RGS6: variants seen among roughly 807,000 people sequenced by gnomAD.
RGS6 encodes the protein regulator of G-protein signaling 6.
A neutral mutation model predicts 78.5 loss-of-function variants in RGS6; 30 were observed. The ratio of observed to expected loss-of-function variants is 0.38; its 90% CI spans 0.29 to 0.52. The LOEUF (loss-of-function observed/expected upper bound fraction) is 0.52. Ranked by LOEUF, RGS6 falls within the 20% of genes least tolerant of loss-of-function variation. RGS6 has a pLI of 0.85. For missense variants in RGS6, 495 were observed against 609.7 expected, an observed-to-expected ratio of 0.81 and a Z score of 1.98; for synonymous variants, 206 against 206.0, an observed-to-expected ratio of 1.00 and a Z score of 0.00.
intron 2 of RGS6, among the ~76,000 whole-genome samples, chr14:72,145,308 C>T (rs1194909081): frequency 7.2e-5 from 11 of 152,040 alleles, no homozygotes; most frequent in South Asian, 2.1e-4. Context: ...AGGGGGTCTA[C>T]GTGGGAAAGG....
chr14:72,416,552 A>T (rs188992596), intron 3 of RGS6, among the ~76,000 whole-genome samples: 1 of 152,316 alleles, frequency 6.6e-6, no homozygotes, highest in African/African-American at 2.4e-5. Context: ...AGAAAAAAAA[A>T]ATTAAGCTGA....
At chr14:72,228,663 C>G (rs1431267059) in intron 2 of RGS6, among the ~76,000 whole-genome samples, 4 of 152,224 alleles carry the variant, frequency 2.6e-5, no homozygotes, top group Non-Finnish European at 4.4e-5. Flanking sequence ...GGACTAAGTT[C>G]AGAGACATGC....
At chr14:72,277,941 A>G (rs546626588) in intron 2 of RGS6, among the ~76,000 whole-genome samples, 96 of 152,234 alleles carry the variant, frequency 6.3e-4, no homozygotes, top group African/African-American at 2.2e-3. Flanking sequence ...AATAAAATAA[A>G]ATAAAATAAA....
At chr14:72,510,332 A>T (rs564162165) in intron 14 of RGS6, 53 bp downstream of exon 14, 1 of 1,607,242 alleles carries the variant, frequency 6.2e-7, no homozygotes, top group Non-Finnish European at 8.5e-7. Flanking sequence ...AGAAATTTGC[A>T]TAATCGGTCT....
intron 2 of RGS6, among the ~76,000 whole-genome samples, chr14:71,998,403 G>C (rs1166987859): frequency 6.6e-6 from 1 of 152,080 alleles, no homozygotes; most frequent in African/African-American, 2.4e-5. Context: ...AAAATCTCTG[G>C]AAGGGCAGCC....
At chr14:72,177,614 A>T (rs576927097) in intron 2 of RGS6, among the ~76,000 whole-genome samples, 8 of 152,304 alleles carry the variant, frequency 5.3e-5, no homozygotes, top group Non-Finnish European at 7.4e-5. Flanking sequence ...TCTGCTTTCT[A>T]GTTTTGTCCT....
intron 3 of RGS6, among the ~76,000 whole-genome samples, chr14:72,413,903 C>T (rs947757129): frequency 6.6e-6 from 1 of 152,234 alleles, no homozygotes; most frequent in African/African-American, 2.4e-5. Context: ...GGTCCCCACT[C>T]TCTTCTGGCT....
chr14:72,295,778 G>T (rs2064689392), intron 2 of RGS6, among the ~76,000 whole-genome samples: 1 of 152,146 alleles, frequency 6.6e-6, no homozygotes. Flanking sequence ...ACTACACAAA[G>T]GAAACTGCTA....
intron 13 of RGS6, among the ~76,000 whole-genome samples, chr14:72,496,025 C>G (rs2096639725): frequency 2.2e-4 from 2 of 9,254 alleles, no homozygotes; most frequent in Admixed American, 1.4e-3. Flanking sequence ...GTCTCTGTCA[C>G]TCACATTGTC....
At chr14:71,903,999 A>T in the RGS6 span, among the ~76,000 whole-genome samples, 4 of 152,200 alleles carry the variant, frequency 2.6e-5, no homozygotes, top group African/African-American at 9.7e-5. Flanking sequence ...CAATAATATC[A>T]TATCTATATG....
chr14:72,365,041 C>T (rs748872601), intron 3 of RGS6, among the ~76,000 whole-genome samples: 1 of 152,230 alleles, frequency 6.6e-6, no homozygotes, highest in Non-Finnish European at 1.5e-5. Flanking sequence ...ATATCCAGAT[C>T]ATCCCAAAGG....
chr14:72,093,972 AAAG>A (rs2095343214), intron 2 of RGS6, among the ~76,000 whole-genome samples: 1 of 152,218 alleles, frequency 6.6e-6, no homozygotes. Flanking sequence ...AATGAACATT[AAAG>A]AAGTAATTAA....
rs201693688 is a variant in RGS6 at position 72,334,153 on chromosome 14, C to T, written c.85-17942C>T. Among the ~76,000 whole-genome samples the T allele has an allele frequency of 2.4e-4, 36 of 152,328 alleles. No individual in the cohort carries two copies. In the East Asian group the frequency reaches 6.6e-3, roughly 28 times the overall value. The stretch of plus-strand genomic sequence containing the variant: ...TGTCCAGAAAGAGGCCCCGTGGGAA[C>T]GGAAAGGATTTTGTGTGTGCTCACC... On this transcript the variant is annotated intron_variant, in intron 2 of 17. Coordinates refer to ENST00000553525, the MANE Select transcript of RGS6 (RefSeq NM_001204424.2).
At chr14:72,599,292 C>A in the RGS6 span, among the ~76,000 whole-genome samples, 2 of 152,006 alleles carry the variant, frequency 1.3e-5, no homozygotes, top group African/African-American at 4.8e-5. Context: ...GCCCCTGAGG[C>A]TCATCACAGC....
chr14:72,412,256 G>A (rs936533606), intron 3 of RGS6, among the ~76,000 whole-genome samples: 9 of 152,290 alleles, frequency 5.9e-5, no homozygotes, highest in African/African-American at 2.2e-4. Context: ...CCTGTTATTG[G>A]TCTATTCAGA....
At chr14:72,457,842 C>T (rs1016122521) in intron 4 of RGS6, among the ~76,000 whole-genome samples, 7 of 152,134 alleles carry the variant, frequency 4.6e-5, no homozygotes, top group African/African-American at 1.2e-4. Context: ...CTATGGGCAG[C>T]GAGGCTGCAT....
the RGS6 span, among the ~76,000 whole-genome samples, chr14:71,897,520 T>A: frequency 3.3e-5 from 5 of 152,070 alleles, no homozygotes; most frequent in Non-Finnish European, 7.4e-5. Context: ...TATTTTATTT[T>A]ATTTTATTTA....
chr14:72,339,759 G>A (rs2076653574), intron 2 of RGS6, among the ~76,000 whole-genome samples: 1 of 152,104 alleles, frequency 6.6e-6, no homozygotes, highest in South Asian at 2.1e-4. Flanking sequence ...GAGCTGGTGT[G>A]TTCGGAGGCA....
At chr14:72,085,853 CAAAAAA>C (rs35951230) in intron 2 of RGS6, among the ~76,000 whole-genome samples, 3 of 72,742 alleles carry the variant, frequency 4.1e-5, no homozygotes, top group African/African-American at 1.1e-4. Context: ...GACACCATCT[CAAAAAA>C]AAAAAAAAAA....
Sources: allele counts gnomAD v4.1 joint callset (sites outside exome capture counted in the v4.1 genomes callset), GRCh38; gene constraint gnomAD v4.1.1; transcripts MANE v1.5; gene names NCBI Gene and HGNC (gene_info 2026-07-23, HGNC 2026-07-21).